RGSL1: variants seen among roughly 807,000 people sequenced by gnomAD.
RGSL1 encodes the protein regulator of G protein signaling protein-like.
In RGSL1, 97 loss-of-function variants were observed where a neutral mutation model predicts 124.7. The observed-to-expected ratio is 0.78, with a 90% confidence interval of 0.66 to 0.92. The LOEUF is 0.92. Among genes scored for constraint, RGSL1 ranks in the 40% least tolerant of loss-of-function variants. The pLI is 0.00. For synonymous variants in RGSL1, 424 were observed against 438.1 expected (o/e 0.97, Z 0.40); for missense variants, 1,233 against 1,288.4 (o/e 0.96, Z 0.66).
chr1:182,472,323 G>T, intron 4 of RGSL1, 73 bp from the exon 5 acceptor site: 3 of 1,378,886 alleles, frequency 2.2e-6, no homozygotes, highest in South Asian at 3.2e-5. Flanking sequence ...GATGTCAGTT[G>T]ATTCACCCAG....
rs187992632 is a variant in RGSL1, at chr1:182,476,242, A to C, written c.1431+1700A>C. ...TGGAGCCATTTTACGACAGAGATTC[A>C]GACTGGGACTGTGCTTTCTGGATCA... On this transcript the variant is annotated intron_variant, in intron 6 of 21. Coordinates refer to ENST00000294854, the MANE Select transcript of RGSL1 (RefSeq NM_001137669.2). 2.4e-4 allele frequency among the ~76,000 whole-genome samples: 37 copies of C among 152,366 alleles called. No homozygotes were observed. In the East Asian group the frequency reaches 6.0e-3, roughly 25 times the overall value.
chr1:182,530,657 AT>A (rs1659107061), intron 12 of RGSL1, 132 bp from the exon 13 acceptor site: 5 of 1,059,254 alleles, frequency 4.7e-6, no homozygotes, highest in Non-Finnish European at 5.3e-6. Flanking sequence ...TAAGAAGAGA[AT>A]TTTTTAGTAT....
chr1:182,458,468 T>C (rs933647763), intron 3 of RGSL1, 75 bp downstream of exon 3: 201 of 1,232,582 alleles, frequency 1.6e-4, no homozygotes, highest in Non-Finnish European at 1.9e-4. Flanking sequence ...TGTTGTTAAT[T>C]TGTTTTTGTT....
intron 12 of RGSL1, 61 bp downstream of exon 12, chr1:182,530,422 C>A: frequency 7.8e-7 from 1 of 1,286,912 alleles, no homozygotes; most frequent in Non-Finnish European, 1.1e-6. Context: ...TTCTGAAAGC[C>A]ATATGCATCA....
At chr1:182,543,065 T>A (rs55897462) in intron 15 of RGSL1, among the ~76,000 whole-genome samples, 17 of 152,190 alleles carry the variant, frequency 1.1e-4, no homozygotes, top group Non-Finnish European at 2.4e-4. Context: ...CTAATTGTTC[T>A]GGCTAGAACT....
chr1:182,512,629 A>G (rs1035529307), intron 9 of RGSL1, among the ~76,000 whole-genome samples: 4 of 152,170 alleles, frequency 2.6e-5, no homozygotes, highest in Non-Finnish European at 5.9e-5. Context: ...TAGCTCTACC[A>G]TCCACAGACA....
chr1:182,547,887 C>T (rs1307332518), intron 15 of RGSL1, among the ~76,000 whole-genome samples: 1 of 152,148 alleles, frequency 6.6e-6, no homozygotes, highest in African/African-American at 2.4e-5. Flanking sequence ...ACTGGCTTCC[C>T]ATTACCACTG....
intron 9 of RGSL1, among the ~76,000 whole-genome samples, chr1:182,520,035 C>T (rs1302789894): frequency 1.3e-5 from 2 of 152,028 alleles, no homozygotes; most frequent in Non-Finnish European, 2.9e-5. Flanking sequence ...CCATTTTCCC[C>T]CCTTGGTTTT....
chr1:182,551,761 C>G (rs971732423), intron 18 of RGSL1, among the ~76,000 whole-genome samples: 1 of 152,074 alleles, frequency 6.6e-6, no homozygotes, highest in African/African-American at 2.4e-5. Context: ...CACACACATA[C>G]AGCCATGCAC....
intron 17 of RGSL1, chr1:182,550,842 C>T: frequency 2.1e-6 from 1 of 478,084 alleles, no homozygotes; most frequent in Non-Finnish European, 3.7e-6. Flanking sequence ...TTACAGGCTC[C>T]ATTCACTGAT....
intron 20 of RGSL1, chr1:182,555,571 G>C (rs1011134918): frequency 6.2e-6 from 1 of 162,012 alleles, no homozygotes; most frequent in Non-Finnish European, 1.4e-5. Flanking sequence ...CTGATGCTAA[G>C]TTAGGGCTCT....
intron 9 of RGSL1, among the ~76,000 whole-genome samples, chr1:182,512,101 G>A (rs939374970): frequency 7.2e-5 from 11 of 151,934 alleles, no homozygotes; most frequent in Non-Finnish European, 1.5e-4. Context: ...AACCTTACTG[G>A]ATTTATCAGT....
intron 9 of RGSL1, among the ~76,000 whole-genome samples, chr1:182,497,886 G>T: frequency 6.6e-6 from 1 of 152,062 alleles, no homozygotes; most frequent in Admixed American, 6.6e-5. Flanking sequence ...CATTACTGAT[G>T]ATGTTCCCAC....
intron 9 of RGSL1, among the ~76,000 whole-genome samples, chr1:182,494,976 C>T (rs1276615510): frequency 6.6e-6 from 1 of 152,228 alleles, no homozygotes; most frequent in Non-Finnish European, 1.5e-5. Flanking sequence ...AGGGATCAAT[C>T]ACTTATAAGC....
In RGSL1 at chr1:182,475,407, C is replaced by T. The variant is rs571697356; in HGVS notation, c.1431+865C>T. On this transcript the variant is annotated intron_variant, in intron 6 of 21. Transcript: ENST00000294854. ...GTTAAGTTGGGTAACAGATGAGAGACAAATAAGAGGGACTACTCACAAAGG... is the reference window on the plus strand; with the variant it reads ...GTTAAGTTGGGTAACAGATGAGAGATAAATAAGAGGGACTACTCACAAAGG... 2.0e-5 allele frequency among the ~76,000 whole-genome samples: 3 copies of T among 152,204 alleles called. No individual in the cohort carries two copies. The South Asian group carries it at 6.2e-4, about 32-fold the overall frequency.
At chr1:182,483,736 C>A (rs569868939) in intron 6 of RGSL1, among the ~76,000 whole-genome samples, 62 of 152,152 alleles carry the variant, frequency 4.1e-4, no homozygotes, top group African/African-American at 1.4e-3. Context: ...AGATTAGTAG[C>A]ACTTGGGTCT....
intron 11 of RGSL1, 78 bp from the exon 12 acceptor site, chr1:182,530,166 A>C (rs890064848): frequency 7.0e-6 from 8 of 1,141,094 alleles, no homozygotes; most frequent in Middle Eastern, 4.0e-4. Flanking sequence ...AAGATAAAAA[A>C]AAAAAACAAA....
intron 14 of RGSL1, among the ~76,000 whole-genome samples, chr1:182,537,930 T>C (rs1659651938): frequency 6.6e-6 from 1 of 152,170 alleles, no homozygotes; most frequent in South Asian, 2.1e-4. Flanking sequence ...TTGTAAACTC[T>C]AGCCACATTG....
chr1:182,519,706 G>C (rs1254941682), intron 9 of RGSL1, among the ~76,000 whole-genome samples: 1 of 151,642 alleles, frequency 6.6e-6, no homozygotes, highest in Non-Finnish European at 1.5e-5. Context: ...ACATATTTTT[G>C]ACATTTTAAG....
Sources: allele counts gnomAD v4.1 joint callset (sites outside exome capture counted in the v4.1 genomes callset), GRCh38; gene constraint gnomAD v4.1.1; transcripts MANE v1.5; gene names NCBI Gene and HGNC (gene_info 2026-07-23, HGNC 2026-07-21).